The following MAGI1 variants were observed in gnomAD, a reference collection of about 807,000 sequenced individuals.
MAGI1 encodes the protein membrane-associated guanylate kinase, WW and PDZ domain-containing protein 1.
A neutral mutation model predicts 139.9 loss-of-function variants in MAGI1; 58 were observed. That is an observed-to-expected ratio of 0.41 (90% CI 0.34 to 0.52). MAGI1 has a LOEUF of 0.52. Among genes scored for constraint, MAGI1 ranks in the 20% least tolerant of loss-of-function variants. The pLI, the probability that MAGI1 is intolerant of heterozygous loss-of-function variation, is 0.12. For synonymous variants in MAGI1, 812 were observed against 737.9 expected, an observed-to-expected ratio of 1.10 and a Z score of -1.63; for missense variants, 1,874 against 1,901.6, an observed-to-expected ratio of 0.99 and a Z score of 0.27.
At chr3:65,667,965 G>C (rs1265135525) in intron 1 of MAGI1, among the ~76,000 whole-genome samples, 1 of 152,168 alleles carries the variant, frequency 6.6e-6, no homozygotes, top group Non-Finnish European at 1.5e-5. Context: ...CTAAGAGTTT[G>C]CTCCCTGTGT....
chr3:65,769,143 T>A (rs1312628823), intron 1 of MAGI1, among the ~76,000 whole-genome samples: 1 of 152,248 alleles, frequency 6.6e-6, no homozygotes, highest in Non-Finnish European at 1.5e-5. Flanking sequence ...TAGGAAAATA[T>A]TCTTTAAAAG....
chr3:65,358,603 C>T (rs1455601970), intron 22 of MAGI1, among the ~76,000 whole-genome samples: 1 of 152,160 alleles, frequency 6.6e-6, no homozygotes, highest in South Asian at 2.1e-4. Flanking sequence ...ACAGGCAACA[C>T]AAAAGTAATG....
intron 1 of MAGI1, among the ~76,000 whole-genome samples, chr3:65,855,515 T>C (rs1012866900): frequency 5.0e-5 from 7 of 139,890 alleles, no homozygotes; most frequent in African/African-American, 1.9e-4. Context: ...GCAGGGGGGA[T>C]CACTTAAGCC....
Position 65,454,565 on chromosome 3 carries a change from C to A in MAGI1, c.960-1225G>T, listed in dbSNP as rs1014818768. 7.3e-4 allele frequency among the ~76,000 whole-genome samples: 84 copies of A among 115,102 alleles called. No homozygotes were observed. The East Asian group carries it at 0.015, about 20-fold the overall frequency. 75.5% of individuals were successfully genotyped at this position (115,102 alleles called of 152,430 possible). A position where few individuals can be genotyped will look rare whatever the true frequency, so the allele number is the denominator to read the frequency against. On this transcript the variant is annotated intron_variant, in intron 5 of 22. Transcript: ENST00000402939. ...TAATAATAATAATAATAAAAAAATA[C>A]TTGTTTTACAAAAAAAAAAGAAGTT...
chr3:65,689,164 A>T (rs55932250), intron 1 of MAGI1, among the ~76,000 whole-genome samples: 21,100 of 152,182 alleles, frequency 0.14, 2,299 homozygotes, highest in East Asian at 0.43. Flanking sequence ...GGAAAACAAA[A>T]GCTCTAGGAG....
intron 1 of MAGI1, among the ~76,000 whole-genome samples, chr3:65,891,407 C>T (rs1384943985): frequency 1.3e-5 from 2 of 152,050 alleles, no homozygotes; most frequent in African/African-American, 4.8e-5. Context: ...TGACCAATCA[C>T]TGAACTAGGA....
chr3:65,979,088 T>TCAC (rs2065419037), intron 1 of MAGI1, among the ~76,000 whole-genome samples: 1 of 52,970 alleles, frequency 1.9e-5, no homozygotes, highest in African/African-American at 7.0e-5. Context: ...TTTCTTTTCT[T>TCAC]CCCCCCCCCC....
At chr3:65,793,552 G>A (rs1198631011) in intron 1 of MAGI1, among the ~76,000 whole-genome samples, 1 of 152,212 alleles carries the variant, frequency 6.6e-6, no homozygotes, top group Non-Finnish European at 1.5e-5. Flanking sequence ...ATAAGCAGTT[G>A]AGAGATACTC....
intron 1 of MAGI1, among the ~76,000 whole-genome samples, chr3:65,673,889 C>T (rs1454042869): frequency 6.6e-6 from 1 of 151,772 alleles, no homozygotes; most frequent in Admixed American, 6.6e-5. Context: ...GCATTTTCTC[C>T]CTCATTCTTC....
intron 1 of MAGI1, among the ~76,000 whole-genome samples, chr3:65,920,893 G>A (rs1431027816): frequency 2.6e-5 from 4 of 152,158 alleles, no homozygotes; most frequent in Non-Finnish European, 5.9e-5. Flanking sequence ...GCTGGGCCAG[G>A]TGGCGGGCAC....
At chr3:65,476,985 T>C (rs1950927399) in intron 4 of MAGI1, among the ~76,000 whole-genome samples, 1 of 152,184 alleles carries the variant, frequency 6.6e-6, no homozygotes, top group African/African-American at 2.4e-5. Flanking sequence ...ACAGAAATTT[T>C]CATGGAGTCA....
chr3:65,990,340 C>T (rs1421279074), intron 1 of MAGI1, among the ~76,000 whole-genome samples: 2 of 152,160 alleles, frequency 1.3e-5, no homozygotes, highest in South Asian at 2.1e-4. Context: ...TGAGGGAAGA[C>T]CAACATCTAA....
At chr3:65,891,884 TAATATATA>T (rs1364376842) in intron 1 of MAGI1, among the ~76,000 whole-genome samples, 9 of 85,852 alleles carry the variant, frequency 1.0e-4, no homozygotes, top group Admixed American at 3.3e-4. Context: ...ACTTAAAGTA[TAATATATA>T]TATATATATA....
chr3:65,730,911 T>G (rs992964563), intron 1 of MAGI1, among the ~76,000 whole-genome samples: 10 of 80,180 alleles, frequency 1.2e-4, no homozygotes, highest in Admixed American at 4.1e-4. Context: ...GGGGTTTTTG[T>G]TTTTTTTTTT....
intron 1 of MAGI1, among the ~76,000 whole-genome samples, chr3:65,746,674 A>G (rs2035736763): frequency 6.6e-6 from 1 of 152,134 alleles, no homozygotes; most frequent in African/African-American, 2.4e-5. Flanking sequence ...GGAGGGGAAA[A>G]GCATGATTCC....
chr3:65,668,712 G>A (rs897893321), intron 1 of MAGI1, among the ~76,000 whole-genome samples: 3 of 151,156 alleles, frequency 2.0e-5, no homozygotes, highest in African/African-American at 4.9e-5. Context: ...GGTTACAGGC[G>A]TGCTGTAATT....
chr3:65,780,636 T>A (rs1252194453), intron 1 of MAGI1, among the ~76,000 whole-genome samples: 1 of 152,084 alleles, frequency 6.6e-6, no homozygotes, highest in Non-Finnish European at 1.5e-5. Flanking sequence ...TGAAAAAAAA[T>A]TTTAACATTA....
intron 1 of MAGI1, chr3:65,873,779 A>ATCCC: frequency 6.6e-6 from 1 of 152,296 alleles, no homozygotes; most frequent in Non-Finnish European, 1.5e-5. Flanking sequence ...CACATGCAAA[A>ATCCC]GAATGAAGTT....
chr3:65,838,900 A>G (rs1326898007), intron 1 of MAGI1, among the ~76,000 whole-genome samples: 1 of 152,188 alleles, frequency 6.6e-6, no homozygotes, highest in South Asian at 2.1e-4. Context: ...TGTTGCCACT[A>G]TCTTTTATTT....
Sources: allele counts gnomAD v4.1 joint callset (sites outside exome capture counted in the v4.1 genomes callset), GRCh38; gene constraint gnomAD v4.1.1; transcripts MANE v1.5; gene names NCBI Gene and HGNC (gene_info 2026-07-23, HGNC 2026-07-21).